The following RBFOX1 variants were observed in gnomAD, a reference collection of about 807,000 sequenced individuals.
RBFOX1 encodes RNA binding fox-1 homolog 1.
Under a neutral mutation model 57.7 loss-of-function variants are expected in RBFOX1, and 8 were observed. That is an observed-to-expected ratio of 0.14 (90% CI 0.08 to 0.25). RBFOX1 has a LOEUF of 0.25. RBFOX1 is among the 10% of genes least tolerant of loss of function. The probability of loss-of-function intolerance (pLI) is 1.00; values close to 1 mark genes in which losing one functional copy is unlikely to be tolerated. For synonymous variants in RBFOX1, 326 were observed against 222.4 expected, an observed-to-expected ratio of 1.47 and a Z score of -4.15; for missense variants, 611 against 548.5, an observed-to-expected ratio of 1.11 and a Z score of -1.14.
At chr16:7,350,583 C>A (rs865956506) in intron 4 of RBFOX1, among the ~76,000 whole-genome samples, 10 of 152,256 alleles carry the variant, frequency 6.6e-5, no homozygotes, top group South Asian at 4.1e-4. Flanking sequence ...GACAAATAAT[C>A]TTTAGTGGGA....
chr16:7,331,445 A>G (rs796165984), intron 4 of RBFOX1, among the ~76,000 whole-genome samples: 9 of 152,270 alleles, frequency 5.9e-5, no homozygotes, highest in African/African-American at 2.2e-4. Flanking sequence ...TTGTGGAACT[A>G]CACACACCCA....
At chr16:6,435,951 C>T (rs1377380790) in intron 2 of RBFOX1, among the ~76,000 whole-genome samples, 3 of 152,088 alleles carry the variant, frequency 2.0e-5, no homozygotes, top group African/African-American at 7.2e-5. Flanking sequence ...CTTCACTTAG[C>T]ATGTGATGGT....
At chr16:7,242,053 T>C (rs941024036) in intron 4 of RBFOX1, among the ~76,000 whole-genome samples, 2 of 152,154 alleles carry the variant, frequency 1.3e-5, no homozygotes, top group African/African-American at 4.8e-5. Context: ...GCTATTACCA[T>C]AGGCACCTCA....
At chr16:6,175,368 T>G (rs998254886) in intron 1 of RBFOX1, among the ~76,000 whole-genome samples, 34 of 152,180 alleles carry the variant, frequency 2.2e-4, no homozygotes, top group African/African-American at 7.2e-4. Context: ...AAATTTCTTC[T>G]CCTGGAGATT....
At chr16:6,071,074 G>T (rs1464639466) in intron 1 of RBFOX1, among the ~76,000 whole-genome samples, 1 of 152,130 alleles carries the variant, frequency 6.6e-6, no homozygotes, top group Admixed American at 6.5e-5. Context: ...TGTAACCCCA[G>T]CACTTTGGGA....
intron 2 of RBFOX1, among the ~76,000 whole-genome samples, chr16:6,488,563 A>C: frequency 6.6e-6 from 1 of 152,174 alleles, no homozygotes; most frequent in African/African-American, 2.4e-5. Flanking sequence ...GACTTTTTAT[A>C]ATTAGAAAAA....
At chr16:6,707,489 T>G (rs1350433925) in intron 3 of RBFOX1, among the ~76,000 whole-genome samples, 1 of 151,420 alleles carries the variant, frequency 6.6e-6, no homozygotes, top group East Asian at 1.9e-4. Flanking sequence ...TTTTTTTTTT[T>G]TTTTTGCTGT....
intron 4 of RBFOX1, among the ~76,000 whole-genome samples, chr16:7,067,950 C>CTT (rs1567139819): frequency 1.1e-4 from 14 of 130,986 alleles, no homozygotes; most frequent in African/African-American, 3.7e-5. Context: ...TAGAGGGCGC[C>CTT]ATTTTTTTTT....
intron 4 of RBFOX1, among the ~76,000 whole-genome samples, chr16:7,517,268 G>A (rs2076576831): frequency 6.6e-6 from 1 of 151,478 alleles, no homozygotes; most frequent in Non-Finnish European, 1.5e-5. Context: ...GGTTTTTGTT[G>A]TGTGTGTTTT....
intron 2 of RBFOX1, among the ~76,000 whole-genome samples, chr16:6,624,097 A>G (rs1370214630): frequency 1.3e-5 from 2 of 152,134 alleles, no homozygotes; most frequent in African/African-American, 2.4e-5. Context: ...ACTACGTACC[A>G]CAGAAAAGGG....
At chr16:6,995,880 T>C (rs2092177292) in intron 3 of RBFOX1, among the ~76,000 whole-genome samples, 2 of 152,334 alleles carry the variant, frequency 1.3e-5, no homozygotes, top group South Asian at 2.1e-4. Flanking sequence ...ATTCTCTGCA[T>C]CCTCCTATGT....
rs935369272 is a variant in RBFOX1 at position 7,475,882 on chromosome 16, A to C, written c.28-42265A>C. ...ATTTATTTGGTGCTTACTATGTCCC[A>C]GGAAGTGGGGTAAGAAGTTCACATC... On this transcript the variant is annotated intron_variant, in intron 4 of 15. Transcript: ENST00000550418. 5.9e-5 allele frequency among the ~76,000 whole-genome samples: 9 copies of C among 152,380 alleles called. 1 individual carries two copies. The East Asian group carries it at 1.5e-3, about 26-fold the overall frequency.
intron 4 of RBFOX1, among the ~76,000 whole-genome samples, chr16:7,394,005 G>T (rs969540046): frequency 6.6e-6 from 1 of 152,050 alleles, no homozygotes; most frequent in South Asian, 2.1e-4. Context: ...GGAGTCCAAG[G>T]TGGGCAGATC....
rs755156617 is a variant in RBFOX1, at chr16:6,759,485, G to C, written c.-16+104835G>C. On this transcript the variant is annotated intron_variant, in intron 3 of 15. Transcript: ENST00000550418. ...ATATGTCAGTTGTCTGTGTGTGTGT[G>C]TGTGTGTGTGTGTGTGTGTGTGTGT... Among the ~76,000 whole-genome samples the C allele has an allele frequency of 2.6e-3, 177 of 68,496 alleles. 1 individual carries two copies. Among genetic ancestry groups the C allele is most frequent in the Non-Finnish European group, 4.9e-3 (119 of 24,478 alleles). 44.9% of individuals were successfully genotyped at this position (68,496 alleles called of 152,430 possible).
intron 4 of RBFOX1, among the ~76,000 whole-genome samples, chr16:7,154,312 C>T (rs1208208324): frequency 1.3e-5 from 2 of 152,196 alleles, no homozygotes; most frequent in East Asian, 1.9e-4. Flanking sequence ...GTGAAAGATA[C>T]AGAGGAAAGG....
At chr16:6,919,328 T>A (rs1376794717) in intron 3 of RBFOX1, among the ~76,000 whole-genome samples, 1 of 152,142 alleles carries the variant, frequency 6.6e-6, no homozygotes, top group Non-Finnish European at 1.5e-5. Flanking sequence ...TTTATCCTGT[T>A]TACATGTATT....
intron 2 of RBFOX1, among the ~76,000 whole-genome samples, chr16:6,478,812 G>A (rs559928104): frequency 1.3e-5 from 2 of 152,124 alleles, no homozygotes. Context: ...CATCTTATAT[G>A]GGCACAGTTT....
intron 4 of RBFOX1, among the ~76,000 whole-genome samples, chr16:5,869,383 C>G (rs2057413543): frequency 6.6e-6 from 1 of 152,000 alleles, no homozygotes; most frequent in African/African-American, 2.4e-5. Flanking sequence ...ATCATGTTGC[C>G]CCTTTTAAAC....
chr16:5,377,750 C>G (rs1292895769), intron 1 of RBFOX1, among the ~76,000 whole-genome samples: 1 of 151,436 alleles, frequency 6.6e-6, no homozygotes, highest in Non-Finnish European at 1.5e-5. Flanking sequence ...TCTGTCTCCA[C>G]ACTTGTCAAC....
Sources: gnomAD v4.1 joint callset for allele counts (sites outside exome capture counted in the v4.1 genomes callset) on GRCh38, gnomAD v4.1.1 for gene constraint, MANE v1.5 for transcripts, NCBI Gene and HGNC (gene_info 2026-07-23, HGNC 2026-07-21) for gene names.